The following SEL1L3 variants were observed in gnomAD, a reference collection of about 807,000 sequenced individuals.
The protein encoded by SEL1L3 is SEL1L family member 3.
Under a neutral mutation model 142.8 loss-of-function variants are expected in SEL1L3, and 76 were observed. The observed-to-expected ratio is 0.53, with a 90% CI of 0.44 to 0.64. The LOEUF (loss-of-function observed/expected upper bound fraction) is 0.64, where lower values mean the gene tolerates loss of function less well. Ranked by LOEUF, SEL1L3 falls within the 30% of genes least tolerant of loss-of-function variation. The probability of loss-of-function intolerance (pLI) is 0.00; values close to 1 mark genes in which losing one functional copy is unlikely to be tolerated. For missense variants in SEL1L3, 1,262 were observed against 1,381.7 expected (o/e 0.91, Z 1.37); for synonymous variants, 504 against 519.6 (o/e 0.97, Z 0.41).
At chr4:25,757,382 G>C in intron 23 of SEL1L3, 152 bp downstream of exon 23, 1 of 636,456 alleles carries the variant, frequency 1.6e-6, no homozygotes, top group Non-Finnish European at 2.6e-6. Context: ...TTCCCACCCT[G>C]TGAAGACCAC....
chr4:25,785,255 C>T (rs776638405), intron 13 of SEL1L3, among the ~76,000 whole-genome samples: 10 of 152,182 alleles, frequency 6.6e-5, no homozygotes, highest in African/African-American at 1.2e-4. Context: ...CGCTAGTTAC[C>T]GTTCCTGTGT....
At chr4:25,798,191 T>C (rs914744506) in intron 11 of SEL1L3, among the ~76,000 whole-genome samples, 5 of 152,190 alleles carry the variant, frequency 3.3e-5, no homozygotes, top group African/African-American at 1.2e-4. Flanking sequence ...TGCTCAACCC[T>C]GGCTGCAGGG....
intron 11 of SEL1L3, among the ~76,000 whole-genome samples, chr4:25,793,825 C>T (rs1304892085): frequency 6.6e-6 from 1 of 152,156 alleles, no homozygotes; most frequent in Non-Finnish European, 1.5e-5. Context: ...ATCTAGGCTC[C>T]ACTACTCATT....
intron 11 of SEL1L3, among the ~76,000 whole-genome samples, chr4:25,800,646 T>C (rs1385879644): frequency 6.6e-6 from 1 of 152,196 alleles, no homozygotes; most frequent in African/African-American, 2.4e-5. Flanking sequence ...TTGTGCAAAT[T>C]TTTTTAGAAC....
At chr4:25,831,668 G>A (rs998502887) in intron 5 of SEL1L3, among the ~76,000 whole-genome samples, 1 of 151,746 alleles carries the variant, frequency 6.6e-6, no homozygotes, top group Non-Finnish European at 1.5e-5. Flanking sequence ...TGGGATTATA[G>A]GCACGTACAC....
intron 13 of SEL1L3, among the ~76,000 whole-genome samples, chr4:25,786,725 A>T (rs1206813171): frequency 6.6e-6 from 1 of 152,208 alleles, no homozygotes; most frequent in African/African-American, 2.4e-5. Flanking sequence ...TCAGCCCTGA[A>T]TGGAATGGAT....
intron 23 of SEL1L3, among the ~76,000 whole-genome samples, chr4:25,753,007 C>T (rs945577635): frequency 6.6e-5 from 10 of 152,232 alleles, no homozygotes; most frequent in African/African-American, 7.2e-5. Context: ...CTGCTATTTA[C>T]GGAAGAGGGA....
At chr4:25,833,347 C>G (rs1390859769) in intron 4 of SEL1L3, 101 bp downstream of exon 4, 2 of 1,160,718 alleles carry the variant, frequency 1.7e-6, no homozygotes. Context: ...GCTGGGCTGC[C>G]ATGTTGACAG....
At chr4:25,773,052 C>G (rs945558623) in intron 17 of SEL1L3, among the ~76,000 whole-genome samples, 1 of 152,192 alleles carries the variant, frequency 6.6e-6, no homozygotes, top group African/African-American at 2.4e-5. Flanking sequence ...CCGCCTTGGC[C>G]TCCCAAAGTG....
At chr4:25,778,044 C>T (rs1719753160) in intron 16 of SEL1L3, among the ~76,000 whole-genome samples, 1 of 152,174 alleles carries the variant, frequency 6.6e-6, no homozygotes, top group Admixed American at 6.5e-5. Flanking sequence ...AGCTACATTT[C>T]ATCTATGGGT....
chr4:25,766,707 T>G (rs963177788), intron 19 of SEL1L3, among the ~76,000 whole-genome samples: 11 of 152,208 alleles, frequency 7.2e-5, no homozygotes, highest in Admixed American at 3.3e-4. Context: ...AGGGTGGAGC[T>G]GCCAGGCAGG....
At chr4:25,782,661 A>G (rs528740548) in intron 14 of SEL1L3, among the ~76,000 whole-genome samples, 9 of 152,254 alleles carry the variant, frequency 5.9e-5, no homozygotes, top group African/African-American at 2.2e-4. Context: ...CAGCAATGTT[A>G]TCCCCCAAAT....
At chr4:25,733,229 A>T in the SEL1L3 span, among the ~76,000 whole-genome samples, 437 of 152,244 alleles carry the variant, frequency 2.9e-3, 2 homozygotes, top group South Asian at 0.03. Context: ...TTACATCTTG[A>T]AAATATTAAG....
At chr4:25,754,817 T>G (rs1553862994) in intron 23 of SEL1L3, among the ~76,000 whole-genome samples, 1 of 152,208 alleles carries the variant, frequency 6.6e-6, no homozygotes, top group Non-Finnish European at 1.5e-5. Context: ...ATGTACTTAT[T>G]GAAATCAATA....
chr4:25,825,557 T>A (rs1560334918), intron 6 of SEL1L3, among the ~76,000 whole-genome samples: 1 of 152,148 alleles, frequency 6.6e-6, no homozygotes, highest in Non-Finnish European at 1.5e-5. Flanking sequence ...TAGCTCCAGC[T>A]TGAAGTTTCT....
At position 25,788,205 on chromosome 4, in the gene SEL1L3, C is replaced by T. The variant is rs751624370; in HGVS notation, c.2217+19G>A. ...TGATAAGAATTGCACAATTTCAGCA[C>T]GAATTAAGTGATTCTTACCTTGAAT... On this transcript the variant is annotated intron_variant, in intron 13 of 23. Coordinates refer to ENST00000399878, the MANE Select transcript of SEL1L3 (RefSeq NM_015187.5). This position sits in a 1 kb window ranked among gnomAD's most constrained non-coding sequence, Gnocchi z 5.3. 4.3e-5 allele frequency: 70 copies of T among 1,611,534 alleles called. 1 individual carries two copies. Among genetic ancestry groups the T allele is most frequent in the South Asian group, 2.1e-4 (19 of 90,954 alleles).
chr4:25,832,731 T>C (rs1275461656), intron 5 of SEL1L3, among the ~76,000 whole-genome samples: 3 of 152,228 alleles, frequency 2.0e-5, no homozygotes, highest in Admixed American at 6.5e-5. Flanking sequence ...CTCAGATCAG[T>C]ATGGCTGTAG....
chr4:25,790,378 G>T, intron 12 of SEL1L3, 77 bp downstream of exon 12: 1 of 1,391,002 alleles, frequency 7.2e-7, no homozygotes, highest in Non-Finnish European at 1.0e-6. Flanking sequence ...ACTGCAGTTT[G>T]AGATGTTTCA....
the SEL1L3 span, among the ~76,000 whole-genome samples, chr4:25,724,772 G>GAAAAAAGAAAAAAAA: frequency 9.4e-5 from 4 of 42,764 alleles, no homozygotes; most frequent in African/African-American, 1.5e-4. Context: ...AAAAAAAAAA[G>GAAAAAAGAAAAAAAA]GAAAAGAAAT....
Sources: gnomAD v4.1 joint callset for allele counts (sites outside exome capture counted in the v4.1 genomes callset) on GRCh38, gnomAD v4.1.1 for gene constraint, Gnocchi (gnomAD v3.1) non-coding constraint, MANE v1.5 for transcripts, NCBI Gene and HGNC (gene_info 2026-07-23, HGNC 2026-07-21) for gene names.